The following BAIAP2L1 variants were observed in gnomAD, a reference collection of about 807,000 sequenced individuals.
BAIAP2L1 encodes BAR/IMD domain containing adaptor protein 2 like 1.
Under a neutral mutation model 66.3 loss-of-function variants are expected in BAIAP2L1, and 35 were observed. That is an observed-to-expected ratio of 0.53 (90% CI 0.40 to 0.70). BAIAP2L1 has a LOEUF of 0.70. Ranked by LOEUF, BAIAP2L1 falls within the 30% of genes least tolerant of loss-of-function variation. The pLI, the probability that BAIAP2L1 is intolerant of heterozygous loss-of-function variation, is 0.00. For synonymous variants in BAIAP2L1, 269 were observed against 248.7 expected, an observed-to-expected ratio of 1.08 and a Z score of -0.77; for missense variants, 622 against 656.9, an observed-to-expected ratio of 0.95 and a Z score of 0.58.
intron 12 of BAIAP2L1, among the ~76,000 whole-genome samples, chr7:98,301,749 C>G (rs947399582): frequency 6.6e-6 from 1 of 152,054 alleles, no homozygotes; most frequent in African/African-American, 2.4e-5. Flanking sequence ...TTGGCAGGTG[C>G]GGCCTGTGGA....
intron 3 of BAIAP2L1, among the ~76,000 whole-genome samples, chr7:98,350,842 C>G (rs1342698335): frequency 2.0e-5 from 3 of 151,836 alleles, no homozygotes; most frequent in Admixed American, 6.6e-5. Context: ...CCTGGAAAAA[C>G]AGCAATTATG....
chr7:98,397,669 C>T (rs1584512877), intron 1 of BAIAP2L1, among the ~76,000 whole-genome samples: 1 of 152,086 alleles, frequency 6.6e-6, no homozygotes, highest in Non-Finnish European at 1.5e-5. Context: ...GCTGTGGCTG[C>T]TCTTAATTAA....
intron 2 of BAIAP2L1, among the ~76,000 whole-genome samples, chr7:98,359,277 T>TA (rs1418507853): frequency 1.3e-5 from 2 of 150,488 alleles, no homozygotes; most frequent in East Asian, 3.9e-4. Context: ...TGCTGTCTTT[T>TA]TTTTTTTTTT....
At position 98,400,909 on chromosome 7, in the gene BAIAP2L1, C is replaced by T; in HGVS notation, c.-57G>A. On this transcript the variant is annotated 5_prime_UTR_variant, in exon 1 of 14. Coordinates refer to ENST00000005260, the MANE Select transcript of BAIAP2L1 (RefSeq NM_018842.5). Reference sequence around the variant, plus strand: ...GGACGCGGCTGGGCCTCGTGGCCGCCGGACTCCGGGCAGCGGGAGGGCCGG... The same window carrying T: ...GGACGCGGCTGGGCCTCGTGGCCGCTGGACTCCGGGCAGCGGGAGGGCCGG... The T allele has an allele frequency of 1.4e-6, 2 of 1,474,488 alleles. No individual in the cohort carries two copies. The highest frequency in any genetic ancestry group is 1.5e-5 in the African/African-American group (1 of 67,746). The allele number at this position is 1,474,488 out of a possible 1,614,324, so 91.3% of individuals were successfully genotyped here.
intron 1 of BAIAP2L1, among the ~76,000 whole-genome samples, chr7:98,368,265 C>T (rs1207973173): frequency 6.6e-6 from 1 of 151,614 alleles, no homozygotes; most frequent in African/African-American, 2.4e-5. Flanking sequence ...CTAAAAAATA[C>T]AAAAATTAGC....
In BAIAP2L1 at chr7:98,307,870, G is replaced by T. The variant is rs1385972037; in HGVS notation, c.982C>A (p.Arg328=). 3 of 1,614,074 alleles carry T rather than the reference G, an allele frequency of 1.9e-6. No individual in the cohort carries two copies. Among genetic ancestry groups the T allele is most frequent in the South Asian group, 2.2e-5 (2 of 91,092 alleles). Reference sequence around the variant, plus strand: ...AGTCCCGTTGCAACCGAAACTGATCGCTGTAAACTGGGATCTTCGGAAGTA... The same window carrying T: ...AGTCCCGTTGCAACCGAAACTGATCTCTGTAAACTGGGATCTTCGGAAGTA... ...TGTSEDPSLQ[R]SVSVATGLNM... The change falls in exon 10 of 14, where the codon CGA becomes AGA. Residue 328 remains arginine, a synonymous_variant. Transcript: ENST00000005260.
intron 1 of BAIAP2L1, among the ~76,000 whole-genome samples, chr7:98,395,881 T>G (rs1174288520): frequency 6.6e-6 from 1 of 151,986 alleles, no homozygotes; most frequent in Non-Finnish European, 1.5e-5. Flanking sequence ...AAATAAAAAA[T>G]TAGCCGGGCA....
chr7:98,317,468 C>T (rs1801110327), intron 5 of BAIAP2L1, 112 bp from the exon 6 acceptor site: 1 of 1,339,048 alleles, frequency 7.5e-7, no homozygotes. Context: ...CTGACACCCT[C>T]ACTTCACACC....
intron 2 of BAIAP2L1, among the ~76,000 whole-genome samples, chr7:98,359,851 C>G (rs1293217429): frequency 6.7e-6 from 1 of 148,554 alleles, no homozygotes; most frequent in African/African-American, 2.5e-5. Flanking sequence ...CCTCGAACTT[C>G]TGGACTCAAG....
At position 98,310,552 on chromosome 7, in the gene BAIAP2L1, T is replaced by G; in HGVS notation, c.848A>C (p.Lys283Thr). The change falls in exon 9 of 14, where the codon AAG becomes ACG. Residue 283 changes from lysine (K) to threonine (T), a missense_variant. Physicochemically the swap from Lys to Thr is moderately conservative, Grantham distance 78. Transcript: ENST00000005260. ...DYDTLSKCSP[K>T]MPPAPSGRAY... ...TCTGCCTGAAGGAGCGGGGGGCATC[T>G]TTGGTGAGCATTTAGAAAGGGTGTC... 6.3e-7 allele frequency: 1 copy of G among 1,592,820 alleles called. No homozygotes were observed. Among genetic ancestry groups the G allele is most frequent in the Non-Finnish European group, 8.5e-7 (1 of 1,174,168 alleles).
chr7:98,362,530 C>T, intron 1 of BAIAP2L1, 98 bp from the exon 2 acceptor site: 1 of 904,844 alleles, frequency 1.1e-6, no homozygotes, highest in Non-Finnish European at 1.7e-6. Flanking sequence ...CTATGGATGC[C>T]TAACAGCACA....
At chr7:98,300,569 C>A (rs1369089174) in intron 12 of BAIAP2L1, among the ~76,000 whole-genome samples, 1 of 152,190 alleles carries the variant, frequency 6.6e-6, no homozygotes, top group African/African-American at 2.4e-5. Flanking sequence ...GGGTTTCTAA[C>A]CTGCCGTGGG....
At chr7:98,315,403 A>C in intron 7 of BAIAP2L1, 57 bp downstream of exon 7, 1 of 1,323,860 alleles carries the variant, frequency 7.6e-7, no homozygotes, top group Non-Finnish European at 9.8e-7. Context: ...CTTCTGGGGC[A>C]TTTAAATATG....
intron 3 of BAIAP2L1, among the ~76,000 whole-genome samples, chr7:98,332,558 C>A (rs991946165): frequency 2.0e-5 from 3 of 151,504 alleles, no homozygotes; most frequent in Non-Finnish European, 4.4e-5. Flanking sequence ...ACCAGTAATC[C>A]TAGCACTTTG....
chr7:98,306,089 C>T lies in BAIAP2L1; in HGVS notation c.1241+350G>A, dbSNP rs376994495. 1.2e-3 allele frequency among the ~76,000 whole-genome samples: 182 copies of T among 152,206 alleles called. 1 individual carries two copies. The highest frequency in any genetic ancestry group is 4.0e-3 in the African/African-American group (168 of 41,532). On this transcript the variant is annotated intron_variant, in intron 11 of 13. Transcript: ENST00000005260. The stretch of plus-strand genomic sequence containing the variant: ...AGAACATTCCAGAAAAAGCATACAA[C>T]AGCGTTAAGGGCTGTAAGATAAGAA...
intron 12 of BAIAP2L1, among the ~76,000 whole-genome samples, chr7:98,298,011 G>GC (rs1168885153): frequency 6.6e-6 from 1 of 150,474 alleles, no homozygotes; most frequent in Non-Finnish European, 1.5e-5. Context: ...CAGGAGGACT[G>GC]CCTGAGGTCA....
intron 5 of BAIAP2L1, among the ~76,000 whole-genome samples, chr7:98,318,667 C>T (rs186545451): frequency 4.0e-5 from 6 of 151,282 alleles, no homozygotes; most frequent in Non-Finnish European, 7.4e-5. Context: ...GATGTCTGGC[C>T]GGCATGGTGG....
intron 7 of BAIAP2L1, among the ~76,000 whole-genome samples, chr7:98,315,248 A>G (rs1179885434): frequency 6.6e-6 from 1 of 151,944 alleles, no homozygotes; most frequent in Non-Finnish European, 1.5e-5. Flanking sequence ...CAGCCTCCTG[A>G]GTAGCTGGGA....
chr7:98,373,865 C>T (rs565097557), intron 1 of BAIAP2L1, among the ~76,000 whole-genome samples: 7 of 152,256 alleles, frequency 4.6e-5, no homozygotes, highest in South Asian at 2.1e-4. Context: ...ATCATCAGGA[C>T]GAGGGAGATC....
Sources: allele counts gnomAD v4.1 joint callset (sites outside exome capture counted in the v4.1 genomes callset), GRCh38; gene constraint gnomAD v4.1.1; transcripts MANE v1.5; gene names NCBI Gene and HGNC (gene_info 2026-07-23, HGNC 2026-07-21).